Variants in TENT5D observed in about 807,000 individuals in gnomAD.
TENT5D encodes the protein cancer/testis antigen 112.
For synonymous variants in TENT5D, 103 were observed against 100.6 expected, an observed-to-expected ratio of 1.02 and a Z score of -0.15; for missense variants, 191 against 287.0, an observed-to-expected ratio of 0.67 and a Z score of 2.42.
At chrX:80,378,305 C>G (rs1241036501) in intron 3 of TENT5D, among the ~76,000 whole-genome samples, 1 of 111,434 alleles carries the variant, frequency 9.0e-6, no homozygotes, top group Non-Finnish European at 1.9e-5. Flanking sequence ...ACATGAAGTC[C>G]TTACCCATGC....
chrX:80,352,931 G>A (rs1930215587), intron 3 of TENT5D, among the ~76,000 whole-genome samples: 1 of 110,217 alleles, frequency 9.1e-6, no homozygotes, highest in Non-Finnish European at 1.9e-5. Context: ...GGGGGAGGGA[G>A]GCCCCCAACT....
chrX:80,360,903 G>GTA (rs1930395163), intron 3 of TENT5D, among the ~76,000 whole-genome samples: 1 of 111,888 alleles, frequency 8.9e-6, no homozygotes, highest in African/African-American at 3.2e-5. Flanking sequence ...TTAAAAAGCT[G>GTA]GACATGGTAG....
chrX:80,397,254 G>T (rs1235887934), intron 3 of TENT5D, among the ~76,000 whole-genome samples: 1 of 107,810 alleles, frequency 9.3e-6, no homozygotes, highest in East Asian at 3.0e-4. Context: ...CCCAGACGGG[G>T]TCGCAGCTGG....
intron 3 of TENT5D, among the ~76,000 whole-genome samples, chrX:80,345,783 C>G (rs1200655334): frequency 1.8e-5 from 2 of 111,611 alleles, no homozygotes; most frequent in South Asian, 7.5e-4. Flanking sequence ...TCTTTTCTTT[C>G]TATTGCCAGA....
At chrX:80,411,124 T>G (rs1002326066) in intron 3 of TENT5D, among the ~76,000 whole-genome samples, 5 of 99,077 alleles carry the variant, frequency 5.0e-5, no homozygotes, top group African/African-American at 1.8e-4. Context: ...GGGATAGCAT[T>G]GGGAGATATA....
intron 3 of TENT5D, among the ~76,000 whole-genome samples, chrX:80,356,808 C>G (rs57546055): frequency 1.8e-5 from 2 of 110,345 alleles, no homozygotes; most frequent in Admixed American, 1.9e-4. Flanking sequence ...ATGTGCACAA[C>G]GTGCAGGTTT....
At chrX:80,428,524 A>G (rs763466901) in intron 1 of TENT5D, among the ~76,000 whole-genome samples, 1 of 112,570 alleles carries the variant, frequency 8.9e-6, no homozygotes, top group South Asian at 3.7e-4. Context: ...TAGAGATTAA[A>G]TGCCTTCCTT....
At chrX:80,393,415 A>C (rs769197666) in intron 3 of TENT5D, among the ~76,000 whole-genome samples, 1 of 110,400 alleles carries the variant, frequency 9.1e-6, no homozygotes, top group East Asian at 2.8e-4. Flanking sequence ...AAGTTTGGGT[A>C]ATTTCCTTTG....
At chrX:80,370,471 T>C (rs190354783) in intron 3 of TENT5D, among the ~76,000 whole-genome samples, 3 of 112,286 alleles carry the variant, frequency 2.7e-5, no homozygotes, top group East Asian at 2.8e-4. Context: ...CCCAATAGTT[T>C]TCTACTCATG....
chrX:80,374,886 A>G (rs1021485405), intron 3 of TENT5D, among the ~76,000 whole-genome samples: 2 of 111,128 alleles, frequency 1.8e-5, no homozygotes, highest in African/African-American at 3.3e-5. Context: ...GAAATGCTCT[A>G]TTGACCATTT....
chrX:80,378,417 G>A (rs929598131), intron 3 of TENT5D, among the ~76,000 whole-genome samples: 4 of 111,636 alleles, frequency 3.6e-5, no homozygotes, highest in Admixed American at 1.9e-4. Flanking sequence ...TTTTGTATAA[G>A]GGGTAAGGAA....
chrX:80,380,290 G>A (rs1377451639), intron 3 of TENT5D, among the ~76,000 whole-genome samples: 1 of 110,603 alleles, frequency 9.0e-6, no homozygotes, highest in African/African-American at 3.3e-5. Context: ...TCTTAATCCT[G>A]AGTTCTAATT....
intron 3 of TENT5D, among the ~76,000 whole-genome samples, chrX:80,387,327 G>A (rs768769025): frequency 1.8e-5 from 2 of 111,784 alleles, no homozygotes; most frequent in African/African-American, 6.5e-5. Flanking sequence ...GCAGAGTTAG[G>A]TATTTATTGT....
chrX:80,405,130 A>G (rs888373744), intron 3 of TENT5D, among the ~76,000 whole-genome samples: 4 of 112,351 alleles, frequency 3.6e-5, no homozygotes, highest in Non-Finnish European at 7.5e-5. Flanking sequence ...ACCCTTTAAA[A>G]GGGGAGAGAA....
chrX:80,423,564 T>G (rs1243214278), intron 1 of TENT5D, among the ~76,000 whole-genome samples: 4 of 110,565 alleles, frequency 3.6e-5, no homozygotes, highest in African/African-American at 1.3e-4. Context: ...AAGTGATGAT[T>G]TATTGGGGCT....
upstream of TENT5D, among the ~76,000 whole-genome samples, chrX:80,420,178 C>T (rs966161757): frequency 9.0e-6 from 1 of 111,357 alleles, no homozygotes; most frequent in African/African-American, 3.3e-5. Flanking sequence ...AAATGTTTGC[C>T]TATCTGTGTG....
intron 3 of TENT5D, among the ~76,000 whole-genome samples, chrX:80,397,105 C>T (rs1162465128): frequency 4.0e-5 from 4 of 100,906 alleles, no homozygotes; most frequent in Admixed American, 2.1e-4. Flanking sequence ...GGGTGGTTGC[C>T]GGGCGGAGGG....
rs1930415557 is a variant in TENT5D, at chrX:80,361,987, C to T, written c.-142+19423C>T. Among the ~76,000 whole-genome samples, 3 of 110,258 alleles carry T rather than the reference C, an allele frequency of 2.7e-5. No homozygotes were observed. In the Admixed American group the frequency reaches 2.9e-4, roughly 11 times the overall value. ...TATCCCTTTCTCCTCTTTCTCCATT[C>T]CCCCTTTTTTGGAGTTCTCAGTGTC... is the stretch of plus-strand genomic sequence containing the variant. On this transcript the variant is annotated intron_variant, in intron 3 of 4. Coordinates refer to the TENT5D transcript ENST00000538312.
chrX:80,438,324 C>T (rs1932219167), intron 1 of TENT5D, among the ~76,000 whole-genome samples: 1 of 109,626 alleles, frequency 9.1e-6, no homozygotes, highest in East Asian at 2.9e-4. Flanking sequence ...TGTGTGTTTA[C>T]ACACAGATAA....
Sources: gnomAD v4.1 joint callset for allele counts (sites outside exome capture counted in the v4.1 genomes callset) on GRCh38, gnomAD v4.1.1 for gene constraint, MANE v1.5 for transcripts, NCBI Gene and HGNC (gene_info 2026-07-23, HGNC 2026-07-21) for gene names.